The following MIR2052HG variants were observed in gnomAD, a reference collection of about 807,000 sequenced individuals.
The protein encoded by MIR2052HG is MIR2052 host gene.
In MIR2052HG at chr8:74,663,370, G is replaced by A. The variant is rs1198580293; in HGVS notation, n.217-39009G>A. On this transcript the variant is annotated intron_variant and non_coding_transcript_variant, in intron 2 of 6. Transcript: ENST00000523442. Reference sequence around the variant, plus strand: ...GGCCTGTGACTTGTTTAAGAACACCGTGTTTTGAATTGTTTGCTGTAGTTT... The same window carrying A: ...GGCCTGTGACTTGTTTAAGAACACCATGTTTTGAATTGTTTGCTGTAGTTT... 9.9e-5 allele frequency among the ~76,000 whole-genome samples: 15 copies of A among 152,266 alleles called. No homozygotes were observed. In the East Asian group the frequency reaches 1.2e-3, roughly 12 times the overall value.
chr8:74,599,933 GC>G (rs1379211096), intron 1 of MIR2052HG: 2 of 162,574 alleles, frequency 1.2e-5, no homozygotes, highest in Non-Finnish European at 2.6e-5. Flanking sequence ...CTCGTGGTGC[GC>G]CGTTTTTTAA....
chr8:74,616,590 T>C (rs1808285785), intron 2 of MIR2052HG, among the ~76,000 whole-genome samples: 1 of 152,062 alleles, frequency 6.6e-6, no homozygotes, highest in African/African-American at 2.4e-5. Context: ...ATCCCTGTTT[T>C]TGATTTTCAT....
intron 2 of MIR2052HG, among the ~76,000 whole-genome samples, chr8:74,694,878 G>A (rs994963122): frequency 2.6e-5 from 4 of 152,120 alleles, no homozygotes; most frequent in Non-Finnish European, 5.9e-5. Context: ...TGAGGAAGAA[G>A]AGAAATGTAA....
rs191631135 is a variant in MIR2052HG at position 74,709,952 on chromosome 8, A to G, written n.371+6270A>G. Among the ~76,000 whole-genome samples, 380 of 152,334 alleles carry G rather than the reference A, an allele frequency of 2.5e-3. 1 individual carries two copies. Among genetic ancestry groups the G allele is most frequent in the African/African-American group, 8.3e-3 (345 of 41,584 alleles). On this transcript the variant is annotated intron_variant and non_coding_transcript_variant, in intron 4 of 6. Transcript: ENST00000523442. Reference sequence around the variant, plus strand: ...GTGGTAAATAATGATAATTTTTAAAATTTCTGCAATATGCATCTAGTTTAA... The same window carrying G: ...GTGGTAAATAATGATAATTTTTAAAGTTTCTGCAATATGCATCTAGTTTAA...
At chr8:74,693,413 T>G (rs1227244611) in intron 2 of MIR2052HG, among the ~76,000 whole-genome samples, 2 of 152,114 alleles carry the variant, frequency 1.3e-5, no homozygotes, top group Admixed American at 1.3e-4. Context: ...TAATGTGAAG[T>G]TTCCTGGATA....
At chr8:74,655,694 C>T (rs1038383859) in intron 2 of MIR2052HG, among the ~76,000 whole-genome samples, 1 of 152,184 alleles carries the variant, frequency 6.6e-6, no homozygotes, top group African/African-American at 2.4e-5. Flanking sequence ...TCTGCTAGGG[C>T]AGTGCAGAAG....
At chr8:74,738,254 C>A (rs535375051) in intron 4 of MIR2052HG, among the ~76,000 whole-genome samples, 1 of 152,252 alleles carries the variant, frequency 6.6e-6, no homozygotes, top group Admixed American at 6.5e-5. Context: ...CATTTCTCTT[C>A]TTTCCACCAA....
intron 2 of MIR2052HG, among the ~76,000 whole-genome samples, chr8:74,674,213 G>A (rs1809026615): frequency 6.6e-6 from 1 of 150,406 alleles, no homozygotes; most frequent in Non-Finnish European, 1.5e-5. Flanking sequence ...TCTGTGCCTG[G>A]ATCATCACAT....
chr8:74,603,399 T>A lies in MIR2052HG; in HGVS notation n.128+3491T>A, dbSNP rs188709895. The A allele has an allele frequency of 1.6e-5, 25 of 1,610,586 alleles. No individual in the cohort carries two copies. In the East Asian group the frequency reaches 1.8e-4, roughly 11 times the overall value. On this transcript the variant is annotated intron_variant and non_coding_transcript_variant, in intron 1 of 6. Coordinates refer to ENST00000523442, the Ensembl canonical transcript of MIR2052HG. ...TGATGGTAACCTGCCTATCAGTAGA[T>A]CCTTCCACTGGGTTCGCAATTTTGA...
At chr8:74,746,269 A>C (rs2128756233) in intron 4 of MIR2052HG, among the ~76,000 whole-genome samples, 1 of 152,326 alleles carries the variant, frequency 6.6e-6, no homozygotes. Flanking sequence ...AGAGATGTGC[A>C]TAGTCTCTAA....
At chr8:74,657,959 A>T (rs541557867) in intron 2 of MIR2052HG, among the ~76,000 whole-genome samples, 1 of 152,244 alleles carries the variant, frequency 6.6e-6, no homozygotes, top group African/African-American at 2.4e-5. Context: ...AAACTCCATG[A>T]CCTATGAACT....
At chr8:74,639,991 C>T (rs1808621479) in intron 2 of MIR2052HG, among the ~76,000 whole-genome samples, 1 of 152,192 alleles carries the variant, frequency 6.6e-6, no homozygotes, top group Non-Finnish European at 1.5e-5. Flanking sequence ...TTTTGCTTGT[C>T]ACAGTCCCAT....
At chr8:74,610,403 A>G (rs1056310608) in intron 1 of MIR2052HG, among the ~76,000 whole-genome samples, 2 of 151,966 alleles carry the variant, frequency 1.3e-5, no homozygotes, top group Non-Finnish European at 2.9e-5. Context: ...TTATGTTCAT[A>G]GTTTGGAAGA....
At chr8:74,667,091 G>C (rs960053077) in intron 2 of MIR2052HG, among the ~76,000 whole-genome samples, 1 of 152,194 alleles carries the variant, frequency 6.6e-6, no homozygotes, top group Non-Finnish European at 1.5e-5. Flanking sequence ...TAAATCACCA[G>C]GTGTTCTTAA....
chr8:74,615,662 C>T (rs1563513175), intron 2 of MIR2052HG, among the ~76,000 whole-genome samples: 1 of 151,502 alleles, frequency 6.6e-6, no homozygotes, highest in Non-Finnish European at 1.5e-5. Context: ...GCACAACATG[C>T]AGGTTTGTTA....
At chr8:74,714,715 TTTG>T (rs1809503594) in intron 4 of MIR2052HG, among the ~76,000 whole-genome samples, 1 of 148,950 alleles carries the variant, frequency 6.7e-6, no homozygotes, top group African/African-American at 2.5e-5. Context: ...TTTTTTTTTT[TTTG>T]TTTTTTTGAG....
chr8:74,700,740 A>G (rs1290870570), intron 2 of MIR2052HG, among the ~76,000 whole-genome samples: 3 of 152,240 alleles, frequency 2.0e-5, no homozygotes, highest in Admixed American at 6.5e-5. Flanking sequence ...TGATGAAAAA[A>G]TAATGGATGT....
At chr8:74,752,506 C>G (rs1388585388) in exon 5 of MIR2052HG, 3 of 456,000 alleles carry the variant, frequency 6.6e-6, no homozygotes, top group Non-Finnish European at 1.3e-5. Flanking sequence ...GAGAGGCTAC[C>G]CAGAGTTCCT....
chr8:74,751,341 T>C (rs1410931039), intron 4 of MIR2052HG, among the ~76,000 whole-genome samples: 3 of 152,230 alleles, frequency 2.0e-5, no homozygotes, highest in East Asian at 3.8e-4. Context: ...TGCCTAGTGT[T>C]TCTTAACATG....
Sources: gnomAD v4.1 joint callset for allele counts (sites outside exome capture counted in the v4.1 genomes callset) on GRCh38, gnomAD v4.1.1 for gene constraint, MANE v1.5 for transcripts, NCBI Gene and HGNC (gene_info 2026-07-23, HGNC 2026-07-21) for gene names.